The following NKAIN3 variants were observed in gnomAD, a reference collection of about 807,000 sequenced individuals.
NKAIN3 encodes the protein sodium/potassium transporting ATPase interacting 3.
Under a neutral mutation model 30.2 loss-of-function variants are expected in NKAIN3, and 25 were observed. The ratio of observed to expected loss-of-function variants is 0.83; its 90% CI spans 0.60 to 1.16. NKAIN3 has a LOEUF of 1.16. NKAIN3 is among the 50% of genes most tolerant of loss of function. The probability of loss-of-function intolerance (pLI) is 0.00; values close to 1 mark genes in which losing one functional copy is unlikely to be tolerated. For missense variants in NKAIN3, 225 were observed against 254.1 expected, an observed-to-expected ratio of 0.89 and a Z score of 0.78; for synonymous variants, 91 against 89.6, an observed-to-expected ratio of 1.02 and a Z score of -0.09.
At chr8:62,997,908 T>C (rs952750318) in intron 5 of NKAIN3, among the ~76,000 whole-genome samples, 3 of 152,178 alleles carry the variant, frequency 2.0e-5, no homozygotes, top group African/African-American at 7.2e-5. Flanking sequence ...CTTAGGGCTT[T>C]TTGGAGTCAG....
chr8:62,521,061 C>T (rs781061567), intron 1 of NKAIN3, among the ~76,000 whole-genome samples: 16 of 151,400 alleles, frequency 1.1e-4, no homozygotes, highest in Non-Finnish European at 2.2e-4. Flanking sequence ...ATTGTTTAGC[C>T]GTAAGAAAAA....
At chr8:62,684,815 CAT>C (rs1416674552) in intron 3 of NKAIN3, among the ~76,000 whole-genome samples, 1 of 152,110 alleles carries the variant, frequency 6.6e-6, no homozygotes, top group African/African-American at 2.4e-5. Flanking sequence ...ATGACACAGA[CAT>C]GTGCAGAAGG....
intron 4 of NKAIN3, among the ~76,000 whole-genome samples, chr8:62,839,430 A>T (rs960734889): frequency 6.6e-6 from 1 of 152,108 alleles, no homozygotes; most frequent in Non-Finnish European, 1.5e-5. Context: ...AAAACAAAAC[A>T]TACCCGTATT....
chr8:62,301,040 CT>C (rs1323050508), intron 1 of NKAIN3, among the ~76,000 whole-genome samples: 1 of 151,924 alleles, frequency 6.6e-6, no homozygotes, highest in African/African-American at 2.4e-5. Context: ...AGAATAAAGA[CT>C]TTAGTACATG....
intron 1 of NKAIN3, among the ~76,000 whole-genome samples, chr8:62,298,578 T>C (rs76382366): frequency 0.017 from 2,526 of 152,170 alleles, 63 homozygotes; most frequent in African/African-American, 0.055. Flanking sequence ...CTGGCCTTTT[T>C]TTCTGTGCTC....
At chr8:62,618,074 A>G (rs1811515404) in intron 3 of NKAIN3, among the ~76,000 whole-genome samples, 1 of 152,202 alleles carries the variant, frequency 6.6e-6, no homozygotes, top group Admixed American at 6.5e-5. Flanking sequence ...AGGATCTAAA[A>G]TGTTGGCCAT....
At chr8:62,369,723 A>G (rs1816847329) in intron 1 of NKAIN3, among the ~76,000 whole-genome samples, 1 of 151,708 alleles carries the variant, frequency 6.6e-6, no homozygotes, top group South Asian at 2.1e-4. Flanking sequence ...CAAATCCATA[A>G]CCATCAGGGG....
chr8:62,903,531 G>T (rs1272599063), intron 4 of NKAIN3, among the ~76,000 whole-genome samples: 1 of 152,038 alleles, frequency 6.6e-6, no homozygotes, highest in Non-Finnish European at 1.5e-5. Context: ...GCACTAAAAG[G>T]CCCTCTCGGG....
intron 1 of NKAIN3, among the ~76,000 whole-genome samples, chr8:62,402,278 G>T (rs1228514732): frequency 6.6e-6 from 1 of 152,178 alleles, no homozygotes; most frequent in East Asian, 1.9e-4. Context: ...GTCAGCTGGT[G>T]GTAAATGCTT....
At chr8:62,853,477 T>G (rs117252295) in intron 4 of NKAIN3, among the ~76,000 whole-genome samples, 4,073 of 152,262 alleles carry the variant, frequency 0.027, 71 homozygotes, top group South Asian at 0.052. Flanking sequence ...CTTCTAGATT[T>G]TCTAACTTAT....
chr8:62,949,709 C>G (rs964568550), intron 5 of NKAIN3, among the ~76,000 whole-genome samples: 2 of 145,674 alleles, frequency 1.4e-5, no homozygotes, highest in Non-Finnish European at 1.5e-5. Context: ...TGATGCCAAC[C>G]CTTAATTGTG....
chr8:62,392,151 A>T (rs1316592459), intron 1 of NKAIN3, among the ~76,000 whole-genome samples: 1 of 152,052 alleles, frequency 6.6e-6, no homozygotes, highest in African/African-American at 2.4e-5. Flanking sequence ...ACTATGAAAA[A>T]AATGTATAGG....
At chr8:62,661,088 G>C (rs1812929375) in intron 3 of NKAIN3, among the ~76,000 whole-genome samples, 1 of 152,210 alleles carries the variant, frequency 6.6e-6, no homozygotes, top group African/African-American at 2.4e-5. Flanking sequence ...CCAAAATTTA[G>C]AGTCAATAGA....
intron 1 of NKAIN3, among the ~76,000 whole-genome samples, chr8:62,555,009 TATACACACACACACACAC>T (rs1488238915): frequency 9.6e-6 from 1 of 104,624 alleles, no homozygotes; most frequent in African/African-American, 3.2e-5. Context: ...TGGCAGAATC[TATACACACACACACACAC>T]ACACACACAC....
intron 4 of NKAIN3, among the ~76,000 whole-genome samples, chr8:62,797,432 T>C (rs1586205443): frequency 1.3e-5 from 2 of 152,144 alleles, no homozygotes; most frequent in Non-Finnish European, 2.9e-5. Context: ...GTTAAAATAA[T>C]GTTGGGAAAA....
chr8:62,860,331 G>A (rs1586279545), intron 4 of NKAIN3, among the ~76,000 whole-genome samples: 1 of 152,152 alleles, frequency 6.6e-6, no homozygotes, highest in South Asian at 2.1e-4. Context: ...ACTGGGCAGG[G>A]TCCACAATCC....
chr8:62,490,411 C>T (rs975313089), intron 1 of NKAIN3, among the ~76,000 whole-genome samples: 7 of 152,140 alleles, frequency 4.6e-5, no homozygotes, highest in Admixed American at 3.3e-4. Context: ...TATATATGTC[C>T]TGGTTCTGCT....
chr8:62,990,882 G>T (rs1824306442), intron 5 of NKAIN3: 1 of 152,118 alleles, frequency 6.6e-6, no homozygotes, highest in African/African-American at 2.4e-5. Flanking sequence ...GAACCAGAAA[G>T]CATTTTTTAC....
At chr8:62,764,844 G>C (rs145344686) in intron 4 of NKAIN3, among the ~76,000 whole-genome samples, 7 of 152,242 alleles carry the variant, frequency 4.6e-5, no homozygotes, top group African/African-American at 1.7e-4. Flanking sequence ...TTCTTTTCAA[G>C]CTATTCTCAT....
Sources: gnomAD v4.1 joint callset for allele counts (sites outside exome capture counted in the v4.1 genomes callset) on GRCh38, gnomAD v4.1.1 for gene constraint, MANE v1.5 for transcripts, NCBI Gene and HGNC (gene_info 2026-07-23, HGNC 2026-07-21) for gene names.